Variants in ADAM29 observed in about 807,000 individuals in gnomAD.
The protein encoded by ADAM29 is disintegrin and metalloproteinase domain-containing protein 29.
For missense variants in ADAM29, 969 were observed against 1,001.8 expected, an observed-to-expected ratio of 0.97 and a Z score of 0.44; for synonymous variants, 367 against 342.3, an observed-to-expected ratio of 1.07 and a Z score of -0.80.
chr4:174,939,647 G>T (rs933826421), intron 4 of ADAM29, among the ~76,000 whole-genome samples: 1 of 151,934 alleles, frequency 6.6e-6, no homozygotes, highest in South Asian at 2.1e-4. Context: ...TTTGAGTTAC[G>T]TTCATCAATT....
At chr4:174,931,569 A>G (rs1337427621) in intron 3 of ADAM29, among the ~76,000 whole-genome samples, 4 of 152,202 alleles carry the variant, frequency 2.6e-5, no homozygotes, top group Admixed American at 1.3e-4. Flanking sequence ...GTCTCCATAT[A>G]TATTGTTGAT....
intron 4 of ADAM29, among the ~76,000 whole-genome samples, chr4:174,967,910 A>G (rs1746241997): frequency 6.6e-6 from 1 of 152,190 alleles, no homozygotes; most frequent in African/African-American, 2.4e-5. Context: ...TCTTCGTTTC[A>G]TGGCCTTTTC....
rs1242972355 is a variant in ADAM29, at chr4:174,978,054, GGTGACACCCTCCCAGAGTCAACCTCAT to G, written c.*75_*101del. On this transcript the variant is annotated 3_prime_UTR_variant, in exon 5 of 5. Transcript: ENST00000359240. ...TGACGCCCTCCCAGAGCCAACCTCG[GGTGACACCCTCCCAGAGTCAACCTCAT>G]GTGACACCTTACCGGAGTAAAAGTG... The G allele has an allele frequency of 2.1e-5, 33 of 1,583,420 alleles. No homozygotes were observed. Among genetic ancestry groups the G allele is most frequent in the Non-Finnish European group, 2.8e-5 (33 of 1,161,592 alleles).
Position 174,977,964 on chromosome 4 carries a change from T to C in ADAM29, c.2439T>C (p.Ser813=), listed in dbSNP as rs1747004662. Residue 813 remains serine (S), a synonymous_variant, in exon 5 of 5, where the codon AGT becomes AGC. Coordinates refer to ENST00000359240, the MANE Select transcript of ADAM29 (RefSeq NM_014269.4). ...AACCTCAGTTGATGCCTTCCCAGAGTCAACCTCCTGTGACGCCCTCCTAGA... is the reference window on the plus strand; with the variant it reads ...AACCTCAGTTGATGCCTTCCCAGAGCCAACCTCCTGTGACGCCCTCCTAGA... ...QRQPQLMPSQ[S]QPPVTPS is the part of the protein sequence containing the mutation. 6.3e-7 allele frequency: 1 copy of C among 1,592,730 alleles called. No individual in the cohort carries two copies. Among genetic ancestry groups the C allele is most frequent in the Admixed American group, 1.7e-5 (1 of 58,506 alleles).
At chr4:174,945,735 T>A (rs1220469892) in intron 4 of ADAM29, among the ~76,000 whole-genome samples, 3 of 152,132 alleles carry the variant, frequency 2.0e-5, no homozygotes, top group Non-Finnish European at 2.9e-5. Context: ...CCAGCACCAT[T>A]TATTGAATAG....
intron 4 of ADAM29, among the ~76,000 whole-genome samples, chr4:174,958,967 T>C (rs1038987476): frequency 7.1e-6 from 1 of 140,876 alleles, no homozygotes; most frequent in African/African-American, 2.8e-5. Context: ...CTTATATTCT[T>C]GAATTACCTA....
intron 1 of ADAM29, among the ~76,000 whole-genome samples, chr4:174,919,865 T>C (rs1743070948): frequency 6.6e-6 from 1 of 152,170 alleles, no homozygotes; most frequent in African/African-American, 2.4e-5. Flanking sequence ...ATCCTACTTA[T>C]ATTCAAGGGA....
intron 4 of ADAM29, among the ~76,000 whole-genome samples, chr4:174,970,242 A>C (rs1236025569): frequency 1.3e-5 from 2 of 152,094 alleles, no homozygotes; most frequent in Non-Finnish European, 2.9e-5. Context: ...AAACCGACAA[A>C]GATTCCAATT....
In ADAM29 at chr4:174,971,130, AT is replaced by A. The variant is rs1458444804; in HGVS notation, c.-180-4214del. Among the ~76,000 whole-genome samples, 9 of 152,282 alleles carry A rather than the reference AT, an allele frequency of 5.9e-5. No homozygotes were observed. In the East Asian group the frequency reaches 9.7e-4, roughly 16 times the overall value. ...GACTTTTATACTAGAATTAAAAGTC[AT>A]TATTACTGTAGTAATCATTTCACTA... On this transcript the variant is annotated intron_variant, in intron 4 of 4. Transcript: ENST00000359240.
At chr4:174,946,188 C>T (rs1320853823) in intron 4 of ADAM29, among the ~76,000 whole-genome samples, 2 of 152,064 alleles carry the variant, frequency 1.3e-5, no homozygotes, top group Non-Finnish European at 2.9e-5. Context: ...ATGTAATTCT[C>T]ATGGACAAAA....
At chr4:174,962,328 G>A (rs1484685534) in intron 4 of ADAM29, among the ~76,000 whole-genome samples, 3 of 151,980 alleles carry the variant, frequency 2.0e-5, no homozygotes, top group South Asian at 2.1e-4. Flanking sequence ...TGGCTAACAC[G>A]GTGAAACCCC....
intron 4 of ADAM29, among the ~76,000 whole-genome samples, chr4:174,961,691 C>A (rs1389764514): frequency 6.6e-6 from 1 of 151,984 alleles, no homozygotes; most frequent in African/African-American, 2.4e-5. Context: ...AGAAATAAAA[C>A]AAGAATTAGA....
Position 174,965,516 on chromosome 4 carries a change from T to TATCTATCTATC in ADAM29, c.-180-9823_-180-9822insTATCATCTATC, listed in dbSNP as rs1553977766. ...CTATCTATCTATCTATCTATCTATC[T>TATCTATCTATC]ATCTATCATCTATCATCTATTTACT... is the stretch of plus-strand genomic sequence containing the variant. On this transcript the variant is annotated intron_variant, in intron 4 of 4. Coordinates refer to ENST00000359240, the MANE Select transcript of ADAM29 (RefSeq NM_014269.4). 4.0e-5 allele frequency among the ~76,000 whole-genome samples: 6 copies of TATCTATCTATC among 150,046 alleles called. No individual in the cohort carries two copies. The East Asian group carries it at 1.2e-3, about 29-fold the overall frequency.
chr4:174,927,433 T>C (rs1312369265), intron 2 of ADAM29, among the ~76,000 whole-genome samples: 1 of 152,216 alleles, frequency 6.6e-6, no homozygotes, highest in African/African-American at 2.4e-5. Flanking sequence ...CTATGTTGAA[T>C]GTTCTAATCT....
chr4:174,920,665 A>G (rs1368083808), intron 1 of ADAM29, 22 bp from the exon 2 acceptor site: 1 of 152,130 alleles, frequency 6.6e-6, no homozygotes, highest in Non-Finnish European at 1.5e-5. Flanking sequence ...CTTAGATAAC[A>G]TAATTGTTTC....
At chr4:174,968,771 CCACACACACACACA>C (rs36211576) in intron 4 of ADAM29, among the ~76,000 whole-genome samples, 215 of 148,646 alleles carry the variant, frequency 1.4e-3, no homozygotes, top group African/African-American at 4.1e-3. Context: ...CACTTTCCGC[CCACACACACACACA>C]CACACACACA....
rs1173562374 is a variant in ADAM29 at position 174,977,793 on chromosome 4, TTCCCAGAGTCAACCTCCTGTGACACCC to T, written c.2285_2311del (p.Pro762_Pro770del). On this transcript the variant is annotated inframe_deletion, in exon 5 of 5. Coordinates refer to ENST00000359240, the MANE Select transcript of ADAM29 (RefSeq NM_014269.4). ...CCCAGAGTCATCCTCAGGTGATGCCTTCCCAGAGTCAACCTCCTGTGACACCCTCCCAGAGTCAACCTCGGGTGATGC... is the reference window on the plus strand; with the variant it reads ...CCCAGAGTCATCCTCAGGTGATGCCTTCCCAGAGTCAACCTCGGGTGATGC... The T allele has an allele frequency of 3.0e-5, 48 of 1,598,060 alleles. No individual in the cohort carries two copies. Among genetic ancestry groups the T allele is most frequent in the Middle Eastern group, 1.7e-4 (1 of 5,976 alleles).
intron 1 of ADAM29, among the ~76,000 whole-genome samples, chr4:174,920,137 A>T (rs2110883293): frequency 6.6e-6 from 1 of 152,272 alleles, no homozygotes; most frequent in East Asian, 1.9e-4. Flanking sequence ...CAAGTCAAAT[A>T]TCTCTTCCAT....
intron 2 of ADAM29, among the ~76,000 whole-genome samples, chr4:174,926,514 A>G (rs1457638734): frequency 6.6e-6 from 1 of 152,134 alleles, no homozygotes; most frequent in Non-Finnish European, 1.5e-5. Context: ...CTCTAAAACA[A>G]TGTTAAAAAC....
Sources: gnomAD v4.1 joint callset for allele counts (sites outside exome capture counted in the v4.1 genomes callset) on GRCh38, gnomAD v4.1.1 for gene constraint, MANE v1.5 for transcripts, NCBI Gene and HGNC (gene_info 2026-07-23, HGNC 2026-07-21) for gene names.